Variants in CLCNKA observed in about 807,000 individuals in gnomAD.
The protein encoded by CLCNKA is chloride channel protein ClC-Ka.
A neutral mutation model predicts 83.3 loss-of-function variants in CLCNKA; 66 were observed. The observed-to-expected ratio is 0.79, with a 90% CI of 0.65 to 0.97. CLCNKA has a LOEUF of 0.97. CLCNKA is among the 50% of genes least tolerant of loss of function. The pLI is 0.00. For missense variants in CLCNKA, 806 were observed against 888.7 expected (o/e 0.91, Z 1.18); for synonymous variants, 357 against 370.4 (o/e 0.96, Z 0.42).
rs201792020 is a variant in CLCNKA, at chr1:16,024,910, T to G, written c.358+19T>G. On this transcript the variant is annotated intron_variant, in intron 4 of 19. Coordinates refer to ENST00000331433, the MANE Select transcript of CLCNKA (RefSeq NM_004070.4). Reference sequence around the variant, plus strand: ...TCTGGAGGTGAGTCCACGGTCGCCATGCCAGTCCCCAGTGCCAAAACCTTC... The same window carrying G: ...TCTGGAGGTGAGTCCACGGTCGCCAGGCCAGTCCCCAGTGCCAAAACCTTC... 6.2e-7 allele frequency: 1 copy of G among 1,613,876 alleles called. No homozygotes were observed. Among genetic ancestry groups the G allele is most frequent in the East Asian group, 2.2e-5 (1 of 44,872 alleles).
rs2022280738 is a variant in CLCNKA, at chr1:16,024,794, C to G, written c.261C>G (p.Asp87Glu). 6.2e-7 allele frequency: 1 copy of G among 1,613,998 alleles called. No individual in the cohort carries two copies. The highest frequency in any genetic ancestry group is 1.3e-5 in the African/African-American group (1 of 74,924). Residue 87 changes from aspartate to glutamate, a missense_variant, in exon 4 of 20, where the codon GAC (aspartate) becomes GAG (glutamate). Physicochemically the swap from Asp to Glu is conservative, Grantham distance 45 (BLOSUM62 2). Transcript: ENST00000331433. ...AHQWLYREIG[D>E]SHLLRYLSWT... Reference sequence around the variant, plus strand: ...AGTGGCTGTACAGGGAGATTGGGGACAGCCACCTGCTCCGGTATCTTTCCT... The same window carrying G: ...AGTGGCTGTACAGGGAGATTGGGGAGAGCCACCTGCTCCGGTATCTTTCCT...
chr1:16,026,074 T>A, intron 4 of CLCNKA, 34 bp from the exon 5 acceptor site: 1 of 1,611,940 alleles, frequency 6.2e-7, no homozygotes. Flanking sequence ...ATCTAGAGAT[T>A]GTCCCCTGCT....
chr1:16,029,761 C>T lies in CLCNKA; in HGVS notation c.1258C>T (p.Pro420Ser). The T allele has an allele frequency of 1.2e-6, 2 of 1,614,172 alleles. No homozygotes were observed. The highest frequency in any genetic ancestry group is 8.5e-7 in the Non-Finnish European group (1 of 1,180,030). Residue 420 changes from proline to serine, a missense_variant, in exon 13 of 20, where the codon CCC (proline) becomes TCC (serine). By Grantham distance (74) the Pro-to-Ser change is moderately conservative. Coordinates refer to ENST00000331433, the MANE Select transcript of CLCNKA (RefSeq NM_004070.4). The stretch of plus-strand genomic sequence containing the variant: ...GATGCTGATTCTGGCCACCACCATC[C>T]CCATGCCTGCCGGGTACTTCATGCC... The part of the protein sequence containing the change: ...FWMLILATTI[P>S]MPAGYFMPIF...
In CLCNKA at chr1:16,023,944, C is replaced by A; in HGVS notation, c.229+16C>A. On this transcript the variant is annotated intron_variant, in intron 3 of 19. Transcript: ENST00000331433. ...GTGGTCCGAGGTAACTCTTCCCTGG[C>A]AGGTGCTGCTCTGGGCCAAGGGATT... The A allele has an allele frequency of 6.2e-7, 1 of 1,613,678 alleles. No individual in the cohort carries two copies. The highest frequency in any genetic ancestry group is 2.2e-5 in the East Asian group (1 of 44,860).
chr1:16,026,945 GGTGGTTGGGGGC>G, intron 7 of CLCNKA, 170 bp downstream of exon 7: 1 of 848,326 alleles, frequency 1.2e-6, no homozygotes, highest in Non-Finnish European at 1.9e-6. Flanking sequence ...GGGCGGGGCG[GGTGGTTGGGGGC>G]GTGGTTGGGC....
At chr1:16,027,687 G>C (rs1268086852) in intron 8 of CLCNKA, 134 bp from the exon 9 acceptor site, 4 of 1,538,568 alleles carry the variant, frequency 2.6e-6, no homozygotes, top group Non-Finnish European at 3.5e-6. Context: ...GCCTGGTTGT[G>C]GGGGCCTGGA....
chr1:16,024,783 G>A lies in CLCNKA; in HGVS notation c.250G>A (p.Glu84Lys). The change falls in exon 4 of 20, where the codon GAG (glutamate) becomes AAG (lysine). Residue 84 changes from glutamate to lysine, a missense_variant. Coordinates refer to ENST00000331433, the MANE Select transcript of CLCNKA (RefSeq NM_004070.4). ...VVRAHQWLYREIGDSHLLRYL... is the reference protein window; with the variant it reads ...VVRAHQWLYRKIGDSHLLRYL... ...CCCAGCACACCAGTGGCTGTACAGGGAGATTGGGGACAGCCACCTGCTCCG... is the reference window on the plus strand; with the variant it reads ...CCCAGCACACCAGTGGCTGTACAGGAAGATTGGGGACAGCCACCTGCTCCG... 2 of 1,614,072 alleles carry A rather than the reference G, an allele frequency of 1.2e-6. No individual in the cohort carries two copies. The highest frequency in any genetic ancestry group is 1.3e-5 in the African/African-American group (1 of 75,056).
intron 4 of CLCNKA, among the ~76,000 whole-genome samples, chr1:16,025,442 G>C (rs936893047): frequency 2.6e-5 from 4 of 152,186 alleles, no homozygotes; most frequent in African/African-American, 7.2e-5. Context: ...GAGGTGGGTG[G>C]ATCACTTGAT....
At chr1:16,031,314 A>G (rs1306987753) in intron 15 of CLCNKA, among the ~76,000 whole-genome samples, 1 of 152,188 alleles carries the variant, frequency 6.6e-6, no homozygotes, top group Non-Finnish European at 1.5e-5. Context: ...CACTTTTATA[A>G]TCAAATGGAA....
intron 7 of CLCNKA, 189 bp downstream of exon 7, chr1:16,026,964 G>A (rs1476411439): frequency 1.3e-5 from 10 of 746,168 alleles, no homozygotes; most frequent in Admixed American, 9.5e-5. Flanking sequence ...GGGCGTGGTT[G>A]GGCGGTGCTG....
At chr1:16,025,741 GT>G (rs1191057632) in intron 4 of CLCNKA, among the ~76,000 whole-genome samples, 2 of 152,042 alleles carry the variant, frequency 1.3e-5, no homozygotes, top group Non-Finnish European at 1.5e-5. Flanking sequence ...AGTTATGAGA[GT>G]TTTTTTTGTT....
intron 2 of CLCNKA, among the ~76,000 whole-genome samples, 154 bp downstream of exon 2, chr1:16,022,873 GGTCT>G (rs1379248861): frequency 1.3e-5 from 2 of 152,216 alleles, no homozygotes; most frequent in African/African-American, 2.4e-5. Context: ...GGAGGGAAGG[GGTCT>G]GTCTGTCCAG....
intron 2 of CLCNKA, among the ~76,000 whole-genome samples, chr1:16,022,963 C>G (rs998995980): frequency 6.6e-6 from 1 of 152,232 alleles, no homozygotes; most frequent in African/African-American, 2.4e-5. Context: ...GGTCACTGTG[C>G]CTATCTTCCA....
intron 1 of CLCNKA, among the ~76,000 whole-genome samples, chr1:16,022,360 CCA>C (rs2022164320): frequency 6.6e-6 from 1 of 152,230 alleles, no homozygotes; most frequent in African/African-American, 2.4e-5. Context: ...GGAGCGGTGT[CCA>C]CAGTCTGCTG....
rs764316487 is a variant in CLCNKA, at chr1:16,023,832, C to T, written c.133C>T (p.Arg45Cys). Residue 45 changes from arginine (R) to cysteine (C), a missense_variant, in exon 3 of 20, where the codon CGC becomes TGC. Transcript: ENST00000331433. ...GGAGTGGCTAAAGCAGAAGGTGTTC[C>T]GCCTGGGAGAAGACTGGTACTTCCT... The part of the protein sequence containing the change: ...GLEWLKQKVF[R>C]LGEDWYFLMT... 37 of 1,614,018 alleles carry T rather than the reference C, an allele frequency of 2.3e-5. No individual in the cohort carries two copies. Among genetic ancestry groups the T allele is most frequent in the South Asian group, 1.8e-4 (16 of 91,090 alleles).
chr1:16,027,944 A>C, intron 9 of CLCNKA, 39 bp downstream of exon 9: 1 of 1,613,892 alleles, frequency 6.2e-7, no homozygotes, highest in Non-Finnish European at 8.5e-7. Context: ...TCCAAAAGGC[A>C]TTCCCCCCAA....
At chr1:16,023,514 C>A (rs867110341) in intron 2 of CLCNKA, among the ~76,000 whole-genome samples, 2 of 152,220 alleles carry the variant, frequency 1.3e-5, no homozygotes, top group Non-Finnish European at 1.5e-5. Context: ...AAATCCTGCC[C>A]AGCCCCCAGT....
At chr1:16,024,693 G>C (rs1221893481) in intron 3 of CLCNKA, 70 bp from the exon 4 acceptor site, 1 of 1,602,024 alleles carries the variant, frequency 6.2e-7, no homozygotes, top group Non-Finnish European at 8.5e-7. Context: ...TCAGTAAGTG[G>C]GCACCACAGT....
rs547951849 is a variant in CLCNKA at position 16,025,746 on chromosome 1, TTTTG to T, written c.359-351_359-348del. ...GTGCGGGTAGAGTTATGAGAGTTTTTTTTGTTTGTTTGTTCGTTTGTTTTTGAGA... is the reference window on the plus strand; with the variant it reads ...GTGCGGGTAGAGTTATGAGAGTTTTTTTTGTTTGTTCGTTTGTTTTTGAGA... On this transcript the variant is annotated intron_variant, in intron 4 of 19. Transcript: ENST00000331433. Among the ~76,000 whole-genome samples, 64 of 152,296 alleles carry T rather than the reference TTTTG, an allele frequency of 4.2e-4. No homozygotes were observed. In the East Asian group the frequency reaches 0.011, roughly 25 times the overall value.
Sources: gnomAD v4.1 joint callset for allele counts (sites outside exome capture counted in the v4.1 genomes callset) on GRCh38, gnomAD v4.1.1 for gene constraint, MANE v1.5 for transcripts, NCBI Gene and HGNC (gene_info 2026-07-23, HGNC 2026-07-21) for gene names.